Variants in PRKN observed in about 807,000 individuals in gnomAD.
The protein encoded by PRKN is parkin RBR E3 ubiquitin protein ligase, also known as E3 ubiquitin-protein ligase parkin.
PRKN carries 56 observed loss-of-function variants against 59.5 expected under a neutral mutation model. The ratio of observed to expected loss-of-function variants is 0.94; its 90% CI spans 0.76 to 1.18. PRKN has a LOEUF of 1.18. PRKN is among the 50% of genes most tolerant of loss of function. The pLI is 0.00. For synonymous variants in PRKN, 250 were observed against 222.1 expected (o/e 1.13, Z -1.12); for missense variants, 657 against 596.4 (o/e 1.10, Z -1.06).
At chr6:162,162,537 C>T (rs757827101) in intron 4 of PRKN, among the ~76,000 whole-genome samples, 42 of 151,892 alleles carry the variant, frequency 2.8e-4, no homozygotes, top group Non-Finnish European at 5.9e-4. Flanking sequence ...ACTACTGTAA[C>T]CAAGAAACTT....
At chr6:162,241,450 G>C (rs1326254279) in intron 3 of PRKN, among the ~76,000 whole-genome samples, 1 of 152,012 alleles carries the variant, frequency 6.6e-6, no homozygotes, top group African/African-American at 2.4e-5. Context: ...GTAGAGATAA[G>C]ATCATTTTAT....
intron 2 of PRKN, among the ~76,000 whole-genome samples, chr6:162,317,917 T>C (rs959607644): frequency 1.3e-5 from 2 of 151,880 alleles, no homozygotes; most frequent in African/African-American, 4.8e-5. Flanking sequence ...CATGGTAAAA[T>C]ATATATATAA....
intron 2 of PRKN, among the ~76,000 whole-genome samples, chr6:162,348,292 A>G (rs1362948540): frequency 6.6e-6 from 1 of 152,094 alleles, no homozygotes; most frequent in East Asian, 1.9e-4. Context: ...ACAACCAACA[A>G]CGTGACCTGG....
chr6:162,560,930 T>G, intron 1 of PRKN, among the ~76,000 whole-genome samples: 1 of 139,430 alleles, frequency 7.2e-6, no homozygotes, highest in Admixed American at 7.5e-5. Context: ...GGTATGAGGG[T>G]GATAACAGAG....
intron 2 of PRKN, among the ~76,000 whole-genome samples, chr6:162,284,481 C>T (rs1292289916): frequency 1.3e-5 from 2 of 152,046 alleles, no homozygotes; most frequent in Admixed American, 1.3e-4. Flanking sequence ...GCCTCGGTCT[C>T]CCAAAGTGCT....
chr6:162,618,554 G>C (rs967188459), intron 1 of PRKN, among the ~76,000 whole-genome samples: 1 of 152,082 alleles, frequency 6.6e-6, no homozygotes. Flanking sequence ...GGTTTTCTTC[G>C]TGAGTACGCT....
chr6:161,605,806 G>A (rs963824698), intron 7 of PRKN, among the ~76,000 whole-genome samples: 3 of 151,998 alleles, frequency 2.0e-5, no homozygotes, highest in African/African-American at 4.8e-5. Context: ...CACTGCACCC[G>A]TCTGGACTAC....
At chr6:162,351,308 T>C (rs1784615159) in intron 2 of PRKN, among the ~76,000 whole-genome samples, 1 of 152,184 alleles carries the variant, frequency 6.6e-6, no homozygotes, top group South Asian at 2.1e-4. Flanking sequence ...GACATATAGA[T>C]GGCAAATAAG....
intron 5 of PRKN, among the ~76,000 whole-genome samples, chr6:162,040,407 T>C (rs1784019775): frequency 1.6e-5 from 2 of 125,848 alleles, no homozygotes; most frequent in Non-Finnish European, 3.7e-5. Context: ...TTAGAACCAC[T>C]TTTTTTTTTT....
intron 2 of PRKN, among the ~76,000 whole-genome samples, chr6:162,308,589 A>T: frequency 6.6e-6 from 1 of 152,162 alleles, no homozygotes; most frequent in East Asian, 1.9e-4. Context: ...ATTTTCTCCC[A>T]ATAAACTATC....
At chr6:162,623,277 T>C (rs537709558) in intron 1 of PRKN, among the ~76,000 whole-genome samples, 1 of 141,186 alleles carries the variant, frequency 7.1e-6, no homozygotes, top group South Asian at 2.2e-4. Context: ...TATAGAGATC[T>C]TATTTTAAAA....
intron 9 of PRKN, among the ~76,000 whole-genome samples, chr6:161,424,204 G>A (rs1468462081): frequency 6.6e-6 from 1 of 152,046 alleles, no homozygotes; most frequent in East Asian, 1.9e-4. Flanking sequence ...AGGCATGATG[G>A]TGGGTGCCTG....
At chr6:162,674,843 C>T (rs1047041951) in intron 1 of PRKN, among the ~76,000 whole-genome samples, 1 of 151,874 alleles carries the variant, frequency 6.6e-6, no homozygotes, top group Admixed American at 6.6e-5. Flanking sequence ...ACAAGACAGT[C>T]GAGTTGGAAA....
intron 6 of PRKN, among the ~76,000 whole-genome samples, chr6:161,843,994 G>A (rs943552581): frequency 6.6e-6 from 1 of 152,104 alleles, no homozygotes; most frequent in Non-Finnish European, 1.5e-5. Flanking sequence ...CCACTTGAAA[G>A]CCTTTCTGCC....
intron 1 of PRKN, among the ~76,000 whole-genome samples, chr6:162,582,268 C>A (rs1319584392): frequency 6.6e-6 from 1 of 152,102 alleles, no homozygotes; most frequent in Non-Finnish European, 1.5e-5. Context: ...ATTTATAGAT[C>A]CTAAAATGTA....
intron 1 of PRKN, among the ~76,000 whole-genome samples, chr6:162,541,608 G>C (rs993356366): frequency 6.6e-6 from 1 of 152,168 alleles, no homozygotes; most frequent in African/African-American, 2.4e-5. Flanking sequence ...TTCTTAGTTT[G>C]CAGGTAGTTC....
At chr6:162,493,537 G>C (rs765676572) in intron 1 of PRKN, among the ~76,000 whole-genome samples, 48 of 152,250 alleles carry the variant, frequency 3.2e-4, no homozygotes, top group Non-Finnish European at 5.1e-4. Context: ...TTTATCTCTT[G>C]GGTCTAAGAA....
chr6:162,441,062 A>G (rs376519913), intron 2 of PRKN, among the ~76,000 whole-genome samples: 8 of 152,092 alleles, frequency 5.3e-5, no homozygotes, highest in African/African-American at 1.7e-4. Flanking sequence ...TAGAAGTTCC[A>G]TAAGTATGAA....
chr6:162,602,282 T>A (rs574544704), intron 1 of PRKN, among the ~76,000 whole-genome samples: 1 of 152,142 alleles, frequency 6.6e-6, no homozygotes, highest in South Asian at 2.1e-4. Context: ...GTAAGGGTTG[T>A]GGGATGGACA....
Sources: allele counts gnomAD v4.1 joint callset (sites outside exome capture counted in the v4.1 genomes callset), GRCh38; gene constraint gnomAD v4.1.1; transcripts MANE v1.5; gene names NCBI Gene and HGNC (gene_info 2026-07-23, HGNC 2026-07-21).